NKX2-4: variants seen among roughly 807,000 people sequenced by gnomAD.
The protein encoded by NKX2-4 is NK2 homeobox 4.
Under a neutral mutation model 8.6 loss-of-function variants are expected in NKX2-4, and 6 were observed. The observed-to-expected ratio is 0.70, with a 90% CI of 0.38 to 1.38. The LOEUF (loss-of-function observed/expected upper bound fraction) is 1.38. NKX2-4 is among the 40% of genes most tolerant of loss of function. NKX2-4 has a pLI of 0.02. For missense variants in NKX2-4, 601 were observed against 548.4 expected, an observed-to-expected ratio of 1.10 and a Z score of -0.96; for synonymous variants, 299 against 272.6, an observed-to-expected ratio of 1.10 and a Z score of -0.95.
chr20:21,396,714 G>A (rs1448825411), intron 1 of NKX2-4, among the ~76,000 whole-genome samples, 181 bp from the exon 2 acceptor site: 1 of 145,856 alleles, frequency 6.9e-6, no homozygotes, highest in Non-Finnish European at 1.5e-5. Flanking sequence ...GGGTCCCAGA[G>A]CACCACGCCC....
intron 1 of NKX2-4, 123 bp from the exon 2 acceptor site, chr20:21,396,656 C>T: frequency 1.2e-6 from 1 of 830,762 alleles, no homozygotes; most frequent in African/African-American, 1.8e-5. Context: ...CCCAAGACCC[C>T]CTGACCGCCG....
rs763099818 is a variant in NKX2-4 at position 21,397,339 on chromosome 20, C to G, written c.61G>C (p.Glu21Gln). The G allele has an allele frequency of 2.8e-6, 4 of 1,436,746 alleles. No homozygotes were observed. In the Admixed American group the frequency reaches 6.7e-5, roughly 24 times the overall value. 89.0% of individuals were successfully genotyped at this position (1,436,746 alleles called of 1,614,324 possible). A position where few individuals can be genotyped will look rare whatever the true frequency, so the allele number is the denominator to read the frequency against. ...FSVSDILSPI[E>Q]ETYKKFSGAM... The stretch of plus-strand genomic sequence containing the variant: ...CCGCTGAACTTCTTGTAGGTCTCCT[C>G]GATGGGGCTCAGGATGTCGGACACG... The change falls in exon 1 of 2, where the codon GAG becomes CAG. Residue 21 changes from glutamate (E) to glutamine (Q), a missense_variant. Physicochemically the swap from Glu to Gln is conservative, Grantham distance 29. Transcript: ENST00000351817.
In NKX2-4 at chr20:21,396,034, C is replaced by G; in HGVS notation, c.942G>C (p.Glu314Asp). 8.0e-7 allele frequency: 1 copy of G among 1,257,480 alleles called. No homozygotes were observed. Among genetic ancestry groups the G allele is most frequent in the Non-Finnish European group, 9.9e-7 (1 of 1,007,600 alleles). The allele number at this position is 1,257,480 out of a possible 1,614,324, so 77.9% of individuals were successfully genotyped here. The change falls in exon 2 of 2, where the codon GAG becomes GAC. Residue 314 changes from glutamate to aspartate, a missense_variant. By Grantham distance (45) the Glu-to-Asp change is conservative (BLOSUM62 2). Transcript: ENST00000351817. ...PAPTPAPELE[E>D]LSPSPPALHG... ...GCAGCGCGGGTGGGCTGGGCGACAG[C>G]TCCTCCAGCTCAGGTGCTGGCGTCG... is the stretch of plus-strand genomic sequence containing the variant.
Sources: allele counts gnomAD v4.1 joint callset (sites outside exome capture counted in the v4.1 genomes callset), GRCh38; gene constraint gnomAD v4.1.1; transcripts MANE v1.5; gene names NCBI Gene and HGNC (gene_info 2026-07-23, HGNC 2026-07-21).